The following YEATS2 variants were observed in gnomAD, a reference collection of about 807,000 sequenced individuals.
YEATS2 encodes the protein YEATS domain-containing protein 2.
Under a neutral mutation model 163.2 loss-of-function variants are expected in YEATS2, and 77 were observed. The observed-to-expected ratio is 0.47, with a 90% CI of 0.39 to 0.57. The LOEUF is 0.57. Among genes scored for constraint, YEATS2 ranks in the 20% least tolerant of loss-of-function variants. YEATS2 has a pLI of 0.00. For synonymous variants in YEATS2, 631 were observed against 645.1 expected (o/e 0.98, Z 0.33); for missense variants, 1,549 against 1,729.8 (o/e 0.90, Z 1.85).
chr3:183,810,216 T>C, intron 30 of YEATS2: 2 of 397,304 alleles, frequency 5.0e-6, no homozygotes, highest in Non-Finnish European at 9.3e-6. Flanking sequence ...CGTTCTGCCA[T>C]CCGCTTTGTT....
chr3:183,786,788 A>G (rs925545048), intron 20 of YEATS2, among the ~76,000 whole-genome samples: 4 of 152,110 alleles, frequency 2.6e-5, no homozygotes, highest in Non-Finnish European at 5.9e-5. Flanking sequence ...TGGATGTACC[A>G]TATTTTGTTT....
intron 15 of YEATS2, among the ~76,000 whole-genome samples, chr3:183,766,084 G>A (rs937115832): frequency 1.3e-5 from 2 of 152,162 alleles, no homozygotes; most frequent in South Asian, 4.1e-4. Context: ...CCTTTGACAT[G>A]AAAAGGGACA....
At chr3:183,729,540 G>A (rs929833239) in intron 7 of YEATS2, among the ~76,000 whole-genome samples, 5 of 152,086 alleles carry the variant, frequency 3.3e-5, no homozygotes, top group Admixed American at 2.0e-4. Context: ...CACTCTCTTA[G>A]AAGTAACTCC....
intron 17 of YEATS2, among the ~76,000 whole-genome samples, chr3:183,775,654 G>A (rs1722914860): frequency 2.0e-5 from 3 of 152,260 alleles, no homozygotes; most frequent in South Asian, 4.1e-4. Flanking sequence ...CCACGACCAC[G>A]TCAAAGTATC....
chr3:183,706,198 C>G (rs1262670032), intron 1 of YEATS2, among the ~76,000 whole-genome samples: 1 of 151,838 alleles, frequency 6.6e-6, no homozygotes, highest in Non-Finnish European at 1.5e-5. Context: ...ATTAAGCTAA[C>G]CTAAGAAAAG....
chr3:183,756,545 C>G lies in YEATS2; in HGVS notation c.1408C>G (p.Pro470Ala). ...KIVSGSPIST[P>A]SPSPLPRTPT... The stretch of plus-strand genomic sequence containing the variant: ...TTAATAAGGTTCCCCAATATCAACT[C>G]CAAGCCCATCACCATTGCCTCGAAC... The change falls in exon 12 of 31, where the codon CCA becomes GCA. Residue 470 changes from proline (P) to alanine (A), a missense_variant. By Grantham distance (27) the Pro-to-Ala change is conservative. Coordinates refer to ENST00000305135, the MANE Select transcript of YEATS2 (RefSeq NM_018023.5). 1 of 1,582,474 alleles carries G rather than the reference C, an allele frequency of 6.3e-7. No homozygotes were observed. The highest frequency in any genetic ancestry group is 8.6e-7 in the Non-Finnish European group (1 of 1,166,658).
chr3:183,699,928 G>A (rs1177161100), intron 1 of YEATS2, among the ~76,000 whole-genome samples: 1 of 152,180 alleles, frequency 6.6e-6, no homozygotes, highest in Non-Finnish European at 1.5e-5. Flanking sequence ...GGAACCGGAT[G>A]TGAGGAAATG....
chr3:183,779,113 G>C (rs1191015905), intron 19 of YEATS2, among the ~76,000 whole-genome samples: 1 of 151,768 alleles, frequency 6.6e-6, no homozygotes, highest in African/African-American at 2.4e-5. Flanking sequence ...GTTTCACCAT[G>C]TTGGTCAGGC....
At chr3:183,781,860 G>A (rs970367933) in intron 19 of YEATS2, among the ~76,000 whole-genome samples, 1 of 151,586 alleles carries the variant, frequency 6.6e-6, no homozygotes, top group Non-Finnish European at 1.5e-5. Context: ...CCATGATGGT[G>A]CCACTGCTCT....
At chr3:183,738,098 A>G (rs959997914) in intron 8 of YEATS2, among the ~76,000 whole-genome samples, 1 of 152,156 alleles carries the variant, frequency 6.6e-6, no homozygotes, top group African/African-American at 2.4e-5. Context: ...GATGAAAGTA[A>G]TTGATCAGTG....
At chr3:183,735,107 G>A (rs1206126970) in intron 7 of YEATS2, among the ~76,000 whole-genome samples, 2 of 152,064 alleles carry the variant, frequency 1.3e-5, no homozygotes, top group East Asian at 3.9e-4. Flanking sequence ...AGTCTTTCCT[G>A]TCTATTCACT....
At chr3:183,765,486 AAAG>A (rs1173688765) in intron 15 of YEATS2, among the ~76,000 whole-genome samples, 1 of 152,198 alleles carries the variant, frequency 6.6e-6, no homozygotes, top group Admixed American at 6.5e-5. Context: ...GGGCATCTGA[AAAG>A]AAAAACCACA....
intron 25 of YEATS2, 142 bp downstream of exon 25, chr3:183,801,670 A>G (rs911029502): frequency 1.1e-5 from 6 of 568,348 alleles, no homozygotes; most frequent in Non-Finnish European, 1.8e-5. Context: ...GATACAGCCC[A>G]TTTGCAAGGG....
rs1365883833 is a variant in YEATS2, at chr3:183,754,179, T to A, written c.1204T>A (p.Ser402Thr). The change falls in exon 11 of 31, where the codon TCT becomes ACT. Residue 402 changes from serine (S) to threonine (T), a missense_variant. Transcript: ENST00000305135. ...ACACACTCCGTTTTATGCTTTGCCA[T>A]CTTCATTGGAAAGAACACCCACCAA... ...ERHTPFYALPSSLERTPTKMT... is the reference protein window; with the variant it reads ...ERHTPFYALPTSLERTPTKMT... 1 of 1,612,064 alleles carries A rather than the reference T, an allele frequency of 6.2e-7. No individual in the cohort carries two copies. The highest frequency in any genetic ancestry group is 1.3e-5 in the African/African-American group (1 of 74,906).
At chr3:183,754,940 C>T (rs1194747092) in intron 11 of YEATS2, among the ~76,000 whole-genome samples, 1 of 151,994 alleles carries the variant, frequency 6.6e-6, no homozygotes, top group African/African-American at 2.4e-5. Context: ...GACTGTTCCA[C>T]CTTAGAACAA....
chr3:183,730,989 A>G (rs929499720), intron 7 of YEATS2, among the ~76,000 whole-genome samples: 2 of 152,074 alleles, frequency 1.3e-5, no homozygotes, highest in African/African-American at 2.4e-5. Flanking sequence ...GAAACTGGAA[A>G]GATAAGGGTT....
rs577546003 is a variant in YEATS2 at position 183,796,559 on chromosome 3, T to C, written c.3098-1364T>C. On this transcript the variant is annotated intron_variant, in intron 21 of 30. Transcript: ENST00000305135. ...CGATGAGGTGTGGTGTGTAGACAGA[T>C]GCACATACTAGATATGTAGGGACAG... Among the ~76,000 whole-genome samples the C allele has an allele frequency of 4.0e-5, 6 of 150,162 alleles. No homozygotes were observed. The South Asian group carries it at 1.3e-3, about 32-fold the overall frequency.
At chr3:183,763,799 T>C (rs1362639498) in intron 15 of YEATS2, among the ~76,000 whole-genome samples, 1 of 152,028 alleles carries the variant, frequency 6.6e-6, no homozygotes, top group Non-Finnish European at 1.5e-5. Flanking sequence ...GCATGGTGGC[T>C]CACACCTGTG....
intron 15 of YEATS2, 110 bp downstream of exon 15, chr3:183,762,389 A>ACTT: frequency 7.5e-7 from 1 of 1,342,002 alleles, no homozygotes; most frequent in Non-Finnish European, 1.0e-6. Flanking sequence ...ATCCCATAAG[A>ACTT]ACCTGTGGGT....
Sources: gnomAD v4.1 joint callset for allele counts (sites outside exome capture counted in the v4.1 genomes callset) on GRCh38, gnomAD v4.1.1 for gene constraint, MANE v1.5 for transcripts, NCBI Gene and HGNC (gene_info 2026-07-23, HGNC 2026-07-21) for gene names.